ADAMTSL1: variants seen among roughly 807,000 people sequenced by gnomAD.
ADAMTSL1 encodes the protein ADAMTS like 1, also known as ADAMTS-like protein 1.
Under a neutral mutation model 201.8 loss-of-function variants are expected in ADAMTSL1, and 126 were observed. The ratio of observed to expected loss-of-function variants is 0.62; its 90% CI spans 0.54 to 0.72. ADAMTSL1 has a LOEUF of 0.72. ADAMTSL1 is among the 30% of genes least tolerant of loss of function. The pLI, the probability that ADAMTSL1 is intolerant of heterozygous loss-of-function variation, is 0.00. For synonymous variants in ADAMTSL1, 1,121 were observed against 903.4 expected, an observed-to-expected ratio of 1.24 and a Z score of -4.32; for missense variants, 2,679 against 2,277.8, an observed-to-expected ratio of 1.18 and a Z score of -3.59.
At chr9:17,933,007 C>A (rs1347366259) in intron 1 of ADAMTSL1, among the ~76,000 whole-genome samples, 2 of 152,144 alleles carry the variant, frequency 1.3e-5, no homozygotes, top group African/African-American at 4.8e-5. Context: ...ACAAAGTGCC[C>A]AGCCTGGCAC....
At chr9:18,256,180 C>T (rs1831675049) in intron 2 of ADAMTSL1, among the ~76,000 whole-genome samples, 1 of 152,186 alleles carries the variant, frequency 6.6e-6, no homozygotes, top group Admixed American at 6.5e-5. Context: ...CCCCTTCTTA[C>T]TCAGCTTCCA....
chr9:17,981,423 A>G (rs1818689526), intron 1 of ADAMTSL1, among the ~76,000 whole-genome samples: 1 of 152,164 alleles, frequency 6.6e-6, no homozygotes, highest in Admixed American at 6.5e-5. Context: ...TTGGTCATTT[A>G]AACATCTAAA....
intron 6 of ADAMTSL1, among the ~76,000 whole-genome samples, chr9:18,637,168 T>A (rs988946744): frequency 2.6e-5 from 4 of 152,104 alleles, no homozygotes; most frequent in African/African-American, 9.7e-5. Flanking sequence ...GATGATTAAG[T>A]CACCTTCTAT....
At chr9:18,085,144 A>G (rs1823686168) in intron 1 of ADAMTSL1, among the ~76,000 whole-genome samples, 1 of 152,014 alleles carries the variant, frequency 6.6e-6, no homozygotes, top group Non-Finnish European at 1.5e-5. Context: ...TTAATAGGGA[A>G]TGTGTAGAGA....
intron 2 of ADAMTSL1, among the ~76,000 whole-genome samples, chr9:18,266,303 A>G (rs967472557): frequency 6.6e-6 from 1 of 152,196 alleles, no homozygotes; most frequent in African/African-American, 2.4e-5. Context: ...CACATCTAGG[A>G]GACTATCACC....
intron 1 of ADAMTSL1, among the ~76,000 whole-genome samples, chr9:18,029,989 C>T (rs7026396): frequency 0.11 from 17,239 of 151,628 alleles, 1,104 homozygotes; most frequent in South Asian, 0.18. Context: ...GTCAGTGTGG[C>T]GATTCCTCAG....
intron 2 of ADAMTSL1, among the ~76,000 whole-genome samples, chr9:18,259,326 A>T (rs1831821358): frequency 1.3e-5 from 2 of 152,022 alleles, no homozygotes; most frequent in Non-Finnish European, 2.9e-5. Flanking sequence ...GGAGTTTAAG[A>T]CCAGCCTGGG....
rs143872839 is a variant in ADAMTSL1, at chr9:18,880,392, A to G, written c.4250-7439A>G. 2.9e-3 allele frequency among the ~76,000 whole-genome samples: 447 copies of G among 152,336 alleles called. 6 individuals are homozygous for G. The highest frequency in any genetic ancestry group is 9.9e-3 in the African/African-American group (413 of 41,566). On this transcript the variant is annotated intron_variant, in intron 23 of 28. Coordinates refer to ENST00000380548, the MANE Select transcript of ADAMTSL1 (RefSeq NM_001040272.6). ...TTTGTTTCTTAAAGAGTAAGACTTG[A>G]AAGTTGAAATCACTCCTTGATCCAT...
At chr9:18,641,468 G>C (rs540770033) in intron 7 of ADAMTSL1, among the ~76,000 whole-genome samples, 8 of 152,206 alleles carry the variant, frequency 5.3e-5, no homozygotes, top group African/African-American at 1.9e-4. Context: ...ACTTGCCTGA[G>C]TTCACACTGA....
intron 2 of ADAMTSL1, among the ~76,000 whole-genome samples, chr9:18,325,788 T>C (rs566872608): frequency 6.6e-6 from 1 of 151,944 alleles, no homozygotes; most frequent in East Asian, 1.9e-4. Flanking sequence ...TGGCTTAGGC[T>C]GGAATGAAGT....
At chr9:18,063,216 G>T (rs1253477622) in intron 1 of ADAMTSL1, among the ~76,000 whole-genome samples, 1 of 152,124 alleles carries the variant, frequency 6.6e-6, no homozygotes, top group African/African-American at 2.4e-5. Flanking sequence ...GGGCATGGTG[G>T]TGTCTGCCTA....
At chr9:18,442,581 TTCTTTA>T (rs1820038480) in intron 2 of ADAMTSL1, among the ~76,000 whole-genome samples, 1 of 152,220 alleles carries the variant, frequency 6.6e-6, no homozygotes, top group Non-Finnish European at 1.5e-5. Context: ...AGTTGTATAT[TTCTTTA>T]ATATTTATTG....
In ADAMTSL1 at chr9:18,614,360, T is replaced by A. The variant is rs553947396; in HGVS notation, c.475-7883T>A. 8.3e-4 allele frequency among the ~76,000 whole-genome samples: 126 copies of A among 152,286 alleles called. 1 individual carries two copies. The highest frequency in any genetic ancestry group is 1.3e-3 in the Non-Finnish European group (88 of 68,004). Reference sequence around the variant, plus strand: ...AGAGAGATGCTCATTGATGACACAGTGCTATTCAGCCTAGACTTCAACTCT... The same window carrying A: ...AGAGAGATGCTCATTGATGACACAGAGCTATTCAGCCTAGACTTCAACTCT... On this transcript the variant is annotated intron_variant, in intron 4 of 28. Coordinates refer to ENST00000380548, the MANE Select transcript of ADAMTSL1 (RefSeq NM_001040272.6).
chr9:18,505,475 T>C, intron 2 of ADAMTSL1, among the ~76,000 whole-genome samples: 1 of 152,098 alleles, frequency 6.6e-6, no homozygotes, highest in East Asian at 1.9e-4. Flanking sequence ...TTTGGAAAAA[T>C]AGAAGCTTCA....
intron 1 of ADAMTSL1, among the ~76,000 whole-genome samples, chr9:17,965,066 A>G (rs1175101247): frequency 1.3e-5 from 2 of 152,078 alleles, no homozygotes; most frequent in African/African-American, 4.8e-5. Context: ...TTTATTTTCT[A>G]TTTAGTATTT....
intron 2 of ADAMTSL1, among the ~76,000 whole-genome samples, chr9:18,215,800 C>G (rs1468901072): frequency 1.3e-5 from 2 of 152,196 alleles, no homozygotes; most frequent in African/African-American, 2.4e-5. Flanking sequence ...GGACCAGCTC[C>G]TGCTGTCCTC....
At chr9:18,637,024 C>G (rs1827148943) in intron 6 of ADAMTSL1, among the ~76,000 whole-genome samples, 3 of 151,872 alleles carry the variant, frequency 2.0e-5, no homozygotes, top group Non-Finnish European at 4.4e-5. Context: ...AAATTGAAGC[C>G]CATAAAAGTC....
Position 18,610,986 on chromosome 9 carries a change from T to C in ADAMTSL1, c.475-11257T>C, listed in dbSNP as rs1224289201. ...GTACACGTGTGAGTTCCAGCCATCA[T>C]AGTAGAATAGCTACTTTGTGGTGAC... On this transcript the variant is annotated intron_variant, in intron 4 of 28. Coordinates refer to ENST00000380548, the MANE Select transcript of ADAMTSL1 (RefSeq NM_001040272.6). Among the ~76,000 whole-genome samples the C allele has an allele frequency of 3.9e-5, 6 of 152,218 alleles. No individual in the cohort carries two copies. In the East Asian group the frequency reaches 9.6e-4, roughly 24 times the overall value.
intron 4 of ADAMTSL1, among the ~76,000 whole-genome samples, chr9:18,581,939 A>G (rs1163666340): frequency 6.6e-6 from 1 of 152,164 alleles, no homozygotes; most frequent in East Asian, 1.9e-4. Context: ...TTCTTCTTTC[A>G]CTTTGTCCCA....
Sources: gnomAD v4.1 joint callset for allele counts (sites outside exome capture counted in the v4.1 genomes callset) on GRCh38, gnomAD v4.1.1 for gene constraint, MANE v1.5 for transcripts, NCBI Gene and HGNC (gene_info 2026-07-23, HGNC 2026-07-21) for gene names.